DNM3: variants seen among roughly 807,000 people sequenced by gnomAD.
DNM3 encodes the protein dynamin-3.
A neutral mutation model predicts 101.6 loss-of-function variants in DNM3; 47 were observed. The observed-to-expected ratio is 0.46, with a 90% CI of 0.37 to 0.59. The LOEUF (loss-of-function observed/expected upper bound fraction) is 0.59, where lower values mean the gene tolerates loss of function less well. Ranked by LOEUF, DNM3 falls within the 20% of genes least tolerant of loss-of-function variation. DNM3 has a pLI of 0.00. For missense variants in DNM3, 849 were observed against 1,085.7 expected (o/e 0.78, Z 3.06); for synonymous variants, 385 against 387.9 (o/e 0.99, Z 0.09).
At chr1:172,070,323 G>A (rs537288682) in intron 11 of DNM3, among the ~76,000 whole-genome samples, 1 of 152,210 alleles carries the variant, frequency 6.6e-6, no homozygotes. Context: ...AATGTCTAAT[G>A]TCTTGGCCCC....
chr1:172,201,587 A>G (rs1380864034), intron 14 of DNM3, among the ~76,000 whole-genome samples: 1 of 152,202 alleles, frequency 6.6e-6, no homozygotes, highest in Non-Finnish European at 1.5e-5. Context: ...TGTGGGACCC[A>G]TGGGAGATGG....
At chr1:172,310,765 T>A (rs1006632928) in intron 16 of DNM3, 1 of 152,130 alleles carries the variant, frequency 6.6e-6, no homozygotes, top group Admixed American at 6.6e-5. Flanking sequence ...AGGGACCAGG[T>A]GATGTAGGCC....
At chr1:172,322,282 G>A (rs2065752628) in intron 16 of DNM3, among the ~76,000 whole-genome samples, 2 of 152,124 alleles carry the variant, frequency 1.3e-5, no homozygotes, top group Admixed American at 1.3e-4. Flanking sequence ...GGTCTCCACA[G>A]ATGCACACAC....
intron 2 of DNM3, among the ~76,000 whole-genome samples, chr1:171,976,220 A>G (rs970886046): frequency 1.3e-5 from 2 of 152,228 alleles, no homozygotes; most frequent in Non-Finnish European, 2.9e-5. Context: ...CCATACACAA[A>G]AATTAAGTTG....
At chr1:171,996,081 A>G (rs1301213120) in intron 4 of DNM3, among the ~76,000 whole-genome samples, 2 of 152,124 alleles carry the variant, frequency 1.3e-5, no homozygotes, top group Non-Finnish European at 2.9e-5. Context: ...AAATGTTGGG[A>G]TGTATTTACA....
chr1:172,370,600 T>C (rs2068271498), intron 17 of DNM3, among the ~76,000 whole-genome samples: 2 of 151,976 alleles, frequency 1.3e-5, no homozygotes, highest in Non-Finnish European at 2.9e-5. Context: ...CCAGGTACTC[T>C]TCTGAATTTC....
chr1:172,092,238 C>G (rs2053961347), intron 12 of DNM3, among the ~76,000 whole-genome samples: 1 of 152,102 alleles, frequency 6.6e-6, no homozygotes, highest in South Asian at 2.1e-4. Flanking sequence ...CAGATCCAAA[C>G]CAGAGATGCA....
At chr1:171,847,896 C>CTCTGTGTGTGTG (rs1200145388) in intron 1 of DNM3, among the ~76,000 whole-genome samples, 50 of 141,232 alleles carry the variant, frequency 3.5e-4, no homozygotes, top group South Asian at 1.2e-3. Flanking sequence ...CTCTCTCTCT[C>CTCTGTGTGTGTG]TGTGTGTGTG....
chr1:172,193,066 A>C (rs1248769591), intron 14 of DNM3, among the ~76,000 whole-genome samples: 3 of 151,702 alleles, frequency 2.0e-5, no homozygotes, highest in Admixed American at 6.6e-5. Flanking sequence ...AATGATTGCC[A>C]TTCTAACTGG....
chr1:172,009,253 A>G (rs959272391), intron 4 of DNM3, among the ~76,000 whole-genome samples: 25 of 148,186 alleles, frequency 1.7e-4, no homozygotes, highest in Middle Eastern at 3.6e-3. Context: ...ATCTAACCCT[A>G]TGCCAATAAT....
At chr1:172,216,004 T>TAAAAAAAAAAA (rs1210412642) in intron 14 of DNM3, among the ~76,000 whole-genome samples, 1 of 127,778 alleles carries the variant, frequency 7.8e-6, no homozygotes, top group Non-Finnish European at 1.7e-5. Flanking sequence ...ATAATAAAAT[T>TAAAAAAAAAAA]AAAAAAAAAA....
intron 17 of DNM3, among the ~76,000 whole-genome samples, chr1:172,341,208 T>A (rs572984831): frequency 2.6e-5 from 4 of 152,228 alleles, no homozygotes; most frequent in Admixed American, 2.6e-4. Flanking sequence ...CAATGAGAAT[T>A]ACAAAACACT....
intron 1 of DNM3, among the ~76,000 whole-genome samples, chr1:171,846,899 CTT>C (rs1324165076): frequency 6.6e-6 from 1 of 152,206 alleles, no homozygotes; most frequent in Non-Finnish European, 1.5e-5. Flanking sequence ...CTGCTAGATA[CTT>C]TTCATACCTT....
Position 171,841,670 on chromosome 1 carries a change from A to G in DNM3, c.14A>G (p.Glu5Gly). 2 of 1,611,086 alleles carry G rather than the reference A, an allele frequency of 1.2e-6. No homozygotes were observed. The highest frequency in any genetic ancestry group is 1.7e-6 in the Non-Finnish European group (2 of 1,178,972). The change falls in exon 1 of 21, where the codon GAG (glutamate) becomes GGG (glycine). Residue 5 changes from glutamate (E) to glycine (G), a missense_variant. Around this residue, in one of 5 missense-constraint regions of DNM3, gnomAD observed 388 missense variants for 483.0 expected, o/e 0.80. Coordinates refer to ENST00000627582, the MANE Select transcript of DNM3 (RefSeq NM_015569.5). MGNREMEELIPLVNR... is the reference protein window; with the variant it reads MGNRGMEELIPLVNR... ...CCCTCGGGCAAGATGGGGAACCGGG[A>G]GATGGAGGAGCTGATCCCGCTGGTG...
rs572684977 is a variant in DNM3 at position 172,377,127 on chromosome 1, G to C, written c.1894-1891G>C. ...ATCAGTACTTTAAGGAATTTTTCTA[G>C]AAACTCTCTTTATGTTCTGGTTTCT... On this transcript the variant is annotated intron_variant, in intron 17 of 20. Transcript: ENST00000627582. Among the ~76,000 whole-genome samples, 3 of 151,760 alleles carry C rather than the reference G, an allele frequency of 2.0e-5. No individual in the cohort carries two copies. The East Asian group carries it at 5.8e-4, about 29-fold the overall frequency.
At chr1:172,120,030 C>T (rs186010455) in intron 13 of DNM3, among the ~76,000 whole-genome samples, 210 of 152,242 alleles carry the variant, frequency 1.4e-3, no homozygotes, top group African/African-American at 4.9e-3. Flanking sequence ...TATCCTTTTT[C>T]CTCTCTCGAA....
chr1:172,395,720 T>G (rs1234193701), intron 20 of DNM3, among the ~76,000 whole-genome samples: 5 of 152,228 alleles, frequency 3.3e-5, no homozygotes, highest in Non-Finnish European at 7.3e-5. Context: ...TAGCTTACCA[T>G]TGCCAATGTA....
chr1:171,883,469 T>A (rs1222354389), intron 1 of DNM3, among the ~76,000 whole-genome samples: 1 of 151,462 alleles, frequency 6.6e-6, no homozygotes, highest in East Asian at 1.9e-4. Flanking sequence ...CTCTTTTTCT[T>A]TTTTCTTTCT....
At chr1:172,153,374 T>C (rs2058212966) in intron 14 of DNM3, among the ~76,000 whole-genome samples, 1 of 152,144 alleles carries the variant, frequency 6.6e-6, no homozygotes, top group African/African-American at 2.4e-5. Flanking sequence ...TTTTATGTTG[T>C]CCCTGAACAT....
Sources: gnomAD v4.1 joint callset for allele counts (sites outside exome capture counted in the v4.1 genomes callset) on GRCh38, gnomAD v4.1.1 for gene constraint, gnomAD v4.1.1 regional missense constraint, MANE v1.5 for transcripts, NCBI Gene and HGNC (gene_info 2026-07-23, HGNC 2026-07-21) for gene names.